Variants in TTC13 observed in about 807,000 individuals in gnomAD.
The protein encoded by TTC13 is tetratricopeptide repeat protein 13.
In TTC13, 62 loss-of-function variants were observed where a neutral mutation model predicts 120.0. The observed-to-expected ratio is 0.52, with a 90% confidence interval of 0.42 to 0.64. TTC13 has a LOEUF of 0.64. Among genes scored for constraint, TTC13 ranks in the 30% least tolerant of loss-of-function variants. The pLI is 0.00. For missense variants in TTC13, 824 were observed against 1,050.2 expected, an observed-to-expected ratio of 0.78 and a Z score of 2.98; for synonymous variants, 384 against 393.5, an observed-to-expected ratio of 0.98 and a Z score of 0.28.
At chr1:230,927,980 C>T (rs1395209208) in intron 12 of TTC13, among the ~76,000 whole-genome samples, 1 of 152,168 alleles carries the variant, frequency 6.6e-6, no homozygotes, top group Non-Finnish European at 1.5e-5. Context: ...TCTAAGTTAT[C>T]TATTCTCTTC....
chr1:230,950,718 T>C (rs1408912624), intron 4 of TTC13, among the ~76,000 whole-genome samples: 1 of 152,244 alleles, frequency 6.6e-6, no homozygotes, highest in Non-Finnish European at 1.5e-5. Context: ...GGAAGTAATA[T>C]TCTTTTACAA....
chr1:230,953,915 T>A (rs1675814967), intron 4 of TTC13, among the ~76,000 whole-genome samples: 1 of 152,200 alleles, frequency 6.6e-6, no homozygotes, highest in Non-Finnish European at 1.5e-5. Flanking sequence ...AAGTTAATCA[T>A]GAAGATCAAC....
At chr1:230,914,154 A>T (rs112868918) in intron 18 of TTC13, among the ~76,000 whole-genome samples, 2 of 152,134 alleles carry the variant, frequency 1.3e-5, no homozygotes, top group African/African-American at 4.8e-5. Context: ...AATTGAGGAA[A>T]GATGTCACGT....
At chr1:230,948,317 G>A (rs113473495) in intron 4 of TTC13, among the ~76,000 whole-genome samples, 9,522 of 112,274 alleles carry the variant, frequency 0.085, 615 homozygotes, top group African/African-American at 0.21. Context: ...TTCTAGTCCA[G>A]CATATTTCAC....
chr1:230,911,337 G>T, intron 20 of TTC13, 133 bp downstream of exon 20: 1 of 567,678 alleles, frequency 1.8e-6, no homozygotes, highest in Non-Finnish European at 3.0e-6. Context: ...TTTTTGTGCA[G>T]ATTTTGGAAA....
At chr1:230,945,959 T>A (rs1674955272) in intron 4 of TTC13, among the ~76,000 whole-genome samples, 1 of 152,214 alleles carries the variant, frequency 6.6e-6, no homozygotes, top group South Asian at 2.1e-4. Flanking sequence ...CTGTTGGAGA[T>A]TAATTCAACC....
chr1:230,916,215 T>C lies in TTC13; in HGVS notation c.2071A>G (p.Thr691Ala). Residue 691 changes from threonine (T) to alanine (A), a missense_variant, in exon 18 of 23, where the codon ACA becomes GCA. Physicochemically the swap from Thr to Ala is moderately conservative, Grantham distance 58 (BLOSUM62 0). Around this residue, in one of 4 missense-constraint regions of TTC13, gnomAD observed 226 missense variants for 259.1 expected, o/e 0.87. Transcript: ENST00000366661. ...TACTTGTCTCCTGTAATCGTGATTG[T>C]GAATCCATCATATTCCTTCCCTTGG... ...KDQGKEYDGF[T>A]ITITGDKVGN... 3 of 1,613,872 alleles carry C rather than the reference T, an allele frequency of 1.9e-6. No individual in the cohort carries two copies. The highest frequency in any genetic ancestry group is 2.5e-6 in the Non-Finnish European group (3 of 1,179,722).
chr1:230,952,646 T>C (rs1355499180), intron 4 of TTC13, among the ~76,000 whole-genome samples: 1 of 152,140 alleles, frequency 6.6e-6, no homozygotes, highest in Non-Finnish European at 1.5e-5. Flanking sequence ...CTGAACACAA[T>C]TGCAAGAGAA....
At chr1:230,977,648 A>G (rs1478244669) in intron 1 of TTC13, among the ~76,000 whole-genome samples, 2 of 152,198 alleles carry the variant, frequency 1.3e-5, no homozygotes, top group Non-Finnish European at 2.9e-5. Flanking sequence ...GCCAAGTCTT[A>G]AAAGCAACCA....
chr1:230,969,344 GTATT>G (rs1677487626), intron 1 of TTC13, among the ~76,000 whole-genome samples: 1 of 152,152 alleles, frequency 6.6e-6, no homozygotes, highest in African/African-American at 2.4e-5. Context: ...GTGAAGATGA[GTATT>G]TAAGAGATAG....
At chr1:230,912,310 G>A (rs573877325) in intron 19 of TTC13, among the ~76,000 whole-genome samples, 27 of 152,218 alleles carry the variant, frequency 1.8e-4, no homozygotes, top group Admixed American at 1.4e-3. Context: ...CAACCGCAAC[G>A]AAGGGAAGAA....
chr1:230,977,750 T>C (rs761971020), intron 1 of TTC13, among the ~76,000 whole-genome samples: 55 of 152,040 alleles, frequency 3.6e-4, no homozygotes, highest in Admixed American at 1.3e-3. Flanking sequence ...GGGAGGAGAT[T>C]GATGGGTAAA....
intron 10 of TTC13, 129 bp from the exon 11 acceptor site, chr1:230,931,601 CA>C: frequency 6.9e-7 from 1 of 1,449,074 alleles, no homozygotes; most frequent in Non-Finnish European, 9.4e-7. Context: ...AGGACAAGAG[CA>C]ATGATTTCTT....
chr1:230,968,349 T>C (rs963748496), intron 1 of TTC13, among the ~76,000 whole-genome samples: 2 of 151,694 alleles, frequency 1.3e-5, no homozygotes, highest in Non-Finnish European at 2.9e-5. Context: ...ACAACCCGGG[T>C]CTATTTCTCA....
chr1:230,944,025 T>A lies in TTC13; in HGVS notation c.580-127A>T. On this transcript the variant is annotated intron_variant, in intron 5 of 22. Transcript: ENST00000366661. This position sits in a 1 kb window ranked among gnomAD's most constrained non-coding sequence, Gnocchi z 4.0. ...GTTTAAAAATAAATATGAACTTCAC[T>A]TCTATGTAAGAGATGTGCCATGTCA... 1 of 493,130 alleles carries A rather than the reference T, an allele frequency of 2.0e-6. No individual in the cohort carries two copies. Among genetic ancestry groups the A allele is most frequent in the Non-Finnish European group, 3.5e-6 (1 of 282,334 alleles). The allele number at this position is 493,130 out of a possible 1,614,324, so 30.5% of individuals were successfully genotyped here.
At chr1:230,909,157 T>C (rs1671239863) in intron 20 of TTC13, 137 bp from the exon 21 acceptor site, 2 of 702,072 alleles carry the variant, frequency 2.8e-6, no homozygotes, top group Admixed American at 2.9e-5. Flanking sequence ...AATGTTTCAT[T>C]TAACATGAAA....
rs1299175882 is a variant in TTC13, at chr1:230,978,675, G to A, written c.156C>T (p.Leu52=). The part of the protein sequence containing the change: ...GALATEHYSP[L]SLLKQELQHR... Reference sequence around the variant, plus strand: ...GCTGCAGCTCCTGCTTGAGCAGGGAGAGCGGCGAGTAGTGCTCGGTGGCCA... The same window carrying A: ...GCTGCAGCTCCTGCTTGAGCAGGGAAAGCGGCGAGTAGTGCTCGGTGGCCA... The change falls in exon 1 of 23, where the codon CTC becomes CTT. Residue 52 remains leucine, a synonymous_variant. Coordinates refer to ENST00000366661, the MANE Select transcript of TTC13 (RefSeq NM_024525.5). This position sits in a 1 kb window ranked among gnomAD's most constrained non-coding sequence, Gnocchi z 5.6. The A allele has an allele frequency of 6.1e-6, 9 of 1,487,436 alleles. No homozygotes were observed. In the Admixed American group the frequency reaches 1.1e-4, roughly 19 times the overall value. The allele number at this position is 1,487,436 out of a possible 1,614,324, so 92.1% of individuals were successfully genotyped here.
chr1:230,921,643 G>A, intron 15 of TTC13, 139 bp from the exon 16 acceptor site: 2 of 516,802 alleles, frequency 3.9e-6, no homozygotes, highest in Non-Finnish European at 6.6e-6. Context: ...AAATTCGCTT[G>A]TTCATAGTCA....
chr1:230,951,375 A>T (rs1019162845), intron 4 of TTC13, among the ~76,000 whole-genome samples: 2 of 142,956 alleles, frequency 1.4e-5, no homozygotes, highest in Non-Finnish European at 3.1e-5. Flanking sequence ...TGAGCTGTCT[A>T]AAAAAAAAAA....
Sources: gnomAD v4.1 joint callset for allele counts (sites outside exome capture counted in the v4.1 genomes callset) on GRCh38, gnomAD v4.1.1 for gene constraint, gnomAD v4.1.1 regional missense constraint, Gnocchi (gnomAD v3.1) non-coding constraint, MANE v1.5 for transcripts, NCBI Gene and HGNC (gene_info 2026-07-23, HGNC 2026-07-21) for gene names.